ZNF16: variants seen among roughly 807,000 people sequenced by gnomAD.
ZNF16 encodes zinc finger protein KOX9.
In ZNF16, 7 loss-of-function variants were observed where a neutral mutation model predicts 9.0. The observed-to-expected ratio is 0.78, with a 90% CI of 0.44 to 1.47. ZNF16 has a LOEUF of 1.47. Among genes scored for constraint, ZNF16 ranks in the 40% most tolerant of loss-of-function variants. The probability of loss-of-function intolerance (pLI) is 0.01; values close to 1 mark genes in which losing one functional copy is unlikely to be tolerated. For synonymous variants in ZNF16, 312 were observed against 301.5 expected (o/e 1.03, Z -0.36); for missense variants, 830 against 854.2 (o/e 0.97, Z 0.35).
rs946747982 is a variant in ZNF16 at position 144,945,838 on chromosome 8, G to A, written c.196+173C>T. 1.9e-5 allele frequency: 25 copies of A among 1,300,492 alleles called. No individual in the cohort carries two copies. In the East Asian group the frequency reaches 5.8e-4, roughly 30 times the overall value. 80.6% of individuals were successfully genotyped at this position (1,300,492 alleles called of 1,614,324 possible). On this transcript the variant is annotated intron_variant, in intron 2 of 2. Transcript: ENST00000394909. ...CACAGTTCTGCTCAAGGTGCCAGGG[G>A]CCAGGCTAGGTTAACTTCCTTGCTG...
At position 144,930,922 on chromosome 8, in the gene ZNF16, A is replaced by G. The variant is rs1833511532; in HGVS notation, c.1865T>C (p.Ile622Thr). ...QSSHLIQHQI[I>T]HTGERPYKCS... is the part of the protein sequence containing the mutation. ...TTTGTAGGGGCGCTCGCCCGTGTGG[A>G]TTATCTGATGCTGAATGAGGTGTGA... is the stretch of plus-strand genomic sequence containing the variant. Residue 622 changes from isoleucine to threonine, a missense_variant, in exon 3 of 3, where the codon ATC becomes ACC. Transcript: ENST00000394909. The G allele has an allele frequency of 3.7e-6, 6 of 1,612,834 alleles. No homozygotes were observed. The highest frequency in any genetic ancestry group is 5.1e-6 in the Non-Finnish European group (6 of 1,179,418).
chr8:144,949,783 C>T (rs962594002), intron 1 of ZNF16, among the ~76,000 whole-genome samples: 20 of 152,140 alleles, frequency 1.3e-4, no homozygotes, highest in South Asian at 2.1e-4. Flanking sequence ...CTTGGAAAGC[C>T]GGGTATTGTC....
rs1833544270 is a variant in ZNF16 at position 144,931,638 on chromosome 8, C to A, written c.1149G>T (p.Gly383=). ...GGTGTGCACTCTGGCTGAAGGCTTTCCCACACTCGCCACACTCAAAAGGCT... is the reference window on the plus strand; with the variant it reads ...GGTGTGCACTCTGGCTGAAGGCTTTACCACACTCGCCACACTCAAAAGGCT... ...GEKPFECGEC[G]KAFSQSAHLR... The change falls in exon 3 of 3, where the codon GGG becomes GGT. Residue 383 remains glycine, a synonymous_variant. Transcript: ENST00000394909. 6.2e-7 allele frequency: 1 copy of A among 1,613,848 alleles called. No homozygotes were observed. The highest frequency in any genetic ancestry group is 1.3e-5 in the African/African-American group (1 of 74,844).
At chr8:144,937,843 T>C (rs1439514091) in intron 2 of ZNF16, among the ~76,000 whole-genome samples, 2 of 152,060 alleles carry the variant, frequency 1.3e-5, no homozygotes, top group African/African-American at 2.4e-5. Context: ...TTTTTTGTAT[T>C]TTTTTGTAGA....
chr8:144,943,893 G>C (rs549769043), intron 2 of ZNF16, among the ~76,000 whole-genome samples: 1 of 152,214 alleles, frequency 6.6e-6, no homozygotes, highest in East Asian at 1.9e-4. Flanking sequence ...TCAAGTTGCC[G>C]ATTTTTCTGC....
At position 144,931,312 on chromosome 8, in the gene ZNF16, CT is replaced by C; in HGVS notation, c.1474del (p.Ser492ValfsTer79). ...IHTGEKPYRC[S>X]VCGKAFSHSS... Reference sequence around the variant, plus strand: ...GTGGCTGAAGGCCTTCCCACAGACACTGCATCTGTACGGCTTCTCTCCCGTG... The same window carrying C: ...GTGGCTGAAGGCCTTCCCACAGACACGCATCTGTACGGCTTCTCTCCCGTG... On this transcript the variant is annotated frameshift_variant, in exon 3 of 3. Coordinates refer to ENST00000394909, the MANE Select transcript of ZNF16 (RefSeq NM_006958.3). LOFTEE classifies it low-confidence loss of function (END_TRUNC). 3.1e-6 allele frequency: 5 copies of C among 1,614,206 alleles called. No homozygotes were observed. Among genetic ancestry groups the C allele is most frequent in the Non-Finnish European group, 4.2e-6 (5 of 1,180,040 alleles).
chr8:144,931,151 C>T lies in ZNF16; in HGVS notation c.1636G>A (p.Glu546Lys), dbSNP rs763120865. The part of the protein sequence containing the change: ...QRVHTGEKPY[E>K]CTECGKTFSQ... ...AAGGTTTTTCCACATTCAGTACATT[C>T]ATAGGGCTTCTCTCCAGTGTGGACT... The change falls in exon 3 of 3, where the codon GAA becomes AAA. Residue 546 changes from glutamate to lysine, a missense_variant. Transcript: ENST00000394909. 2.5e-6 allele frequency: 4 copies of T among 1,614,010 alleles called. No homozygotes were observed. Among genetic ancestry groups the T allele is most frequent in the Non-Finnish European group, 3.4e-6 (4 of 1,180,010 alleles).
chr8:144,950,233 C>A (rs1834074047), intron 1 of ZNF16, among the ~76,000 whole-genome samples: 1 of 152,198 alleles, frequency 6.6e-6, no homozygotes, highest in Non-Finnish European at 1.5e-5. Flanking sequence ...ACCCTGCTCT[C>A]CTACTGCATT....
Position 144,932,312 on chromosome 8 carries a change from C to T in ZNF16, c.475G>A (p.Asp159Asn), listed in dbSNP as rs1376404324. The change falls in exon 3 of 3, where the codon GAC (aspartate) becomes AAC (asparagine). Residue 159 changes from aspartate to asparagine, a missense_variant. Physicochemically the swap from Asp to Asn is conservative, Grantham distance 23. Transcript: ENST00000394909. This position sits in a 1 kb window ranked among gnomAD's most constrained non-coding sequence, Gnocchi z 5.0. ...GEKDLDCNGFDSRFSLSPNLM... is the reference protein window; with the variant it reads ...GEKDLDCNGFNSRFSLSPNLM... ...TTTGGGCTCAGACTGAAGCGACTGT[C>T]AAAACCATTACAGTCCAGATCTTTC... 2 of 1,614,032 alleles carry T rather than the reference C, an allele frequency of 1.2e-6. No homozygotes were observed. The highest frequency in any genetic ancestry group is 1.7e-5 in the Admixed American group (1 of 60,002).
chr8:144,947,210 G>A (rs1833979297), intron 1 of ZNF16, among the ~76,000 whole-genome samples: 1 of 142,974 alleles, frequency 7.0e-6, no homozygotes, highest in Non-Finnish European at 1.5e-5. Flanking sequence ...CTGCTGTTGG[G>A]CTTGTGTCCT....
rs780608343 is a variant in ZNF16 at position 144,930,980 on chromosome 8, AGGTG to A, written c.1803_1806del (p.Thr602ValfsTer19). On this transcript the variant is annotated frameshift_variant, in exon 3 of 3. Transcript: ENST00000394909. LOFTEE classifies it high-confidence loss of function. Reference sequence around the variant, plus strand: ...CTGAAGCCCTTACCACATTCAACACAGGTGTAGGGTTTTTCCCCAGTATGAACTT... The same window carrying A: ...CTGAAGCCCTTACCACATTCAACACATAGGGTTTTTCCCCAGTATGAACTT... 1.2e-6 allele frequency: 2 copies of A among 1,614,166 alleles called. No homozygotes were observed. Among genetic ancestry groups the A allele is most frequent in the Non-Finnish European group, 1.7e-6 (2 of 1,180,028 alleles).
chr8:144,934,459 A>G (rs1026751206), intron 2 of ZNF16, among the ~76,000 whole-genome samples: 3 of 152,170 alleles, frequency 2.0e-5, no homozygotes, highest in African/African-American at 4.8e-5. Context: ...GGATTCCCCA[A>G]TGTCCCCCAT....
intron 1 of ZNF16, 131 bp from the exon 2 acceptor site, chr8:144,946,346 C>G: frequency 1.2e-6 from 1 of 854,512 alleles, no homozygotes; most frequent in South Asian, 3.0e-5. Flanking sequence ...GCTGCCAGGT[C>G]TCAGGGGCTG....
rs1224084211 is a variant in ZNF16 at position 144,931,137 on chromosome 8, A to G, written c.1650T>C (p.Cys550=). The G allele has an allele frequency of 2.5e-6, 4 of 1,614,090 alleles. No individual in the cohort carries two copies. Among genetic ancestry groups the G allele is most frequent in the Non-Finnish European group, 3.4e-6 (4 of 1,180,038 alleles). The change falls in exon 3 of 3, where the codon TGT becomes TGC. Residue 550 remains cysteine, a synonymous_variant. Coordinates refer to ENST00000394909, the MANE Select transcript of ZNF16 (RefSeq NM_006958.3). Reference sequence around the variant, plus strand: ...TTGAGCTCTGGCTGAAGGTTTTTCCACATTCAGTACATTCATAGGGCTTCT... The same window carrying G: ...TTGAGCTCTGGCTGAAGGTTTTTCCGCATTCAGTACATTCATAGGGCTTCT... The part of the protein sequence containing the change: ...TGEKPYECTE[C]GKTFSQSSTL...
chr8:144,948,661 C>T (rs557356798), intron 1 of ZNF16: 2 of 152,210 alleles, frequency 1.3e-5, no homozygotes, highest in South Asian at 2.1e-4. Flanking sequence ...TCTAGTGTAC[C>T]GTTCCAGATT....
chr8:144,940,618 A>G (rs920952642), intron 2 of ZNF16, among the ~76,000 whole-genome samples: 1 of 152,234 alleles, frequency 6.6e-6, no homozygotes, highest in Admixed American at 6.5e-5. Context: ...TTGTGGTCTA[A>G]CATATGGTTT....
At chr8:144,939,919 AC>A (rs1185097647) in intron 2 of ZNF16, among the ~76,000 whole-genome samples, 1 of 152,152 alleles carries the variant, frequency 6.6e-6, no homozygotes, top group Non-Finnish European at 1.5e-5. Flanking sequence ...TTATCTTTTC[AC>A]AAAAGCAACG....
intron 2 of ZNF16, chr8:144,945,774 G>A: frequency 3.0e-6 from 2 of 674,744 alleles, no homozygotes; most frequent in Non-Finnish European, 4.5e-6. Flanking sequence ...GGACGCTGGT[G>A]GCCATCATGT....
intron 2 of ZNF16, among the ~76,000 whole-genome samples, chr8:144,943,677 G>A (rs958733829): frequency 2.0e-5 from 3 of 148,938 alleles, no homozygotes; most frequent in Non-Finnish European, 4.5e-5. Context: ...GCATCACCAC[G>A]CCTAGCTGAT....
Sources: allele counts gnomAD v4.1 joint callset (sites outside exome capture counted in the v4.1 genomes callset), GRCh38; gene constraint gnomAD v4.1.1; non-coding constraint Gnocchi (gnomAD v3.1); transcripts MANE v1.5; gene names NCBI Gene and HGNC (gene_info 2026-07-23, HGNC 2026-07-21).